The following BAHCC1 variants were observed in gnomAD, a reference collection of about 807,000 sequenced individuals.
BAHCC1 encodes BAH domain and coiled-coil containing 1, also known as BAH and coiled-coil domain-containing protein 1.
A neutral mutation model predicts 88.2 loss-of-function variants in BAHCC1; 43 were observed. The observed-to-expected ratio is 0.49, with a 90% confidence interval of 0.38 to 0.63. The LOEUF (loss-of-function observed/expected upper bound fraction) is 0.63, where lower values mean the gene tolerates loss of function less well. Ranked by LOEUF, BAHCC1 falls within the 20% of genes least tolerant of loss-of-function variation. The pLI, the probability that BAHCC1 is intolerant of heterozygous loss-of-function variation, is 0.00. For missense variants in BAHCC1, 3,023 were observed against 1,654.8 expected (o/e 1.83, Z -14.34); for synonymous variants, 1,510 against 745.5 (o/e 2.03, Z -16.71).
chr17:81,425,124 ATAG>A (rs2064163595), intron 2 of BAHCC1, among the ~76,000 whole-genome samples: 5 of 72,854 alleles, frequency 6.9e-5, no homozygotes, highest in African/African-American at 1.7e-4. Flanking sequence ...GTTGGGGGTG[ATAG>A]TGGTGGGTGA....
chr17:81,458,113 G>A (rs1893018452), intron 17 of BAHCC1, 52 bp from the exon 18 acceptor site: 1 of 711,100 alleles, frequency 1.4e-6, no homozygotes. Flanking sequence ...AGCCCAACCA[G>A]CCGGGTCTCT....
chr17:81,413,429 T>C (rs901804834), intron 2 of BAHCC1, among the ~76,000 whole-genome samples: 1 of 151,424 alleles, frequency 6.6e-6, no homozygotes, highest in African/African-American at 2.4e-5. Context: ...CCCTCACCCC[T>C]CTTCCTCCCC....
At chr17:81,403,782 G>C (rs1254123472) in intron 2 of BAHCC1, among the ~76,000 whole-genome samples, 2 of 152,204 alleles carry the variant, frequency 1.3e-5, no homozygotes, top group African/African-American at 4.8e-5. Context: ...CATCAAAGTT[G>C]CCGCGAGCCC....
rs1555654145 is a variant in BAHCC1 at position 81,445,602 on chromosome 17, T to C, written c.3084T>C (p.Pro1028=). 1 of 728,616 alleles carries C rather than the reference T, an allele frequency of 1.4e-6. No individual in the cohort carries two copies. Among genetic ancestry groups the C allele is most frequent in the East Asian group, 2.6e-5 (1 of 38,082 alleles). The allele number at this position is 728,616 out of a possible 1,614,324, so 45.1% of individuals were successfully genotyped here. ...LNVCPASSPG[P]GSRVRSAEEK... ...TCTGCCCTGCCAGCAGCCCCGGGCC[T>C]GGCTCCCGGGTGCGCAGCGCCGAGG... Residue 1028 remains proline (P), a synonymous_variant, in exon 10 of 28, where the codon CCT becomes CCC. Coordinates refer to ENST00000675386, the MANE Select transcript of BAHCC1 (RefSeq NM_001377448.1).
intron 2 of BAHCC1, chr17:81,400,697 G>C (rs1243335010): frequency 2.0e-5 from 3 of 153,686 alleles, no homozygotes; most frequent in Non-Finnish European, 2.9e-5. Context: ...GGAGAGCGTG[G>C]GGCGCCGTGC....
chr17:81,457,608 G>A lies in BAHCC1; in HGVS notation c.5041+16G>A, dbSNP rs781973060. 8.5e-6 allele frequency: 6 copies of A among 704,748 alleles called. No individual in the cohort carries two copies. Among genetic ancestry groups the A allele is most frequent in the East Asian group, 5.2e-5 (2 of 38,716 alleles). 43.7% of individuals were successfully genotyped at this position (704,748 alleles called of 1,614,324 possible). On this transcript the variant is annotated intron_variant, in intron 17 of 27. Coordinates refer to ENST00000675386, the MANE Select transcript of BAHCC1 (RefSeq NM_001377448.1). Reference sequence around the variant, plus strand: ...GGGTTGCTAGGTAACCAGGAGGGAGGACAGGGGTTGCTAGGTAACCAGGAG... The same window carrying A: ...GGGTTGCTAGGTAACCAGGAGGGAGAACAGGGGTTGCTAGGTAACCAGGAG...
At chr17:81,459,740 A>C in intron 23 of BAHCC1, 136 bp downstream of exon 23, 2 of 373,738 alleles carry the variant, frequency 5.4e-6, no homozygotes, top group East Asian at 7.5e-5. Flanking sequence ...CGACAATAAA[A>C]TGAGCTCCCC....
At chr17:81,455,533 G>A (rs895987486) in intron 15 of BAHCC1, 143 bp downstream of exon 15, 5 of 608,596 alleles carry the variant, frequency 8.2e-6, no homozygotes, top group African/African-American at 5.5e-5. Flanking sequence ...TCCGAGCGCC[G>A]ACAGCAGGAG....
chr17:81,447,252 C>T lies in BAHCC1; in HGVS notation c.3380C>T (p.Thr1127Ile). 1 of 716,950 alleles carries T rather than the reference C, an allele frequency of 1.4e-6. No individual in the cohort carries two copies. 44.4% of individuals were successfully genotyped at this position (716,950 alleles called of 1,614,324 possible). A position where few individuals can be genotyped will look rare whatever the true frequency, so the allele number is the denominator to read the frequency against. The change falls in exon 11 of 28, where the codon ACC (threonine) becomes ATC (isoleucine). Residue 1127 changes from threonine to isoleucine, a missense_variant. Transcript: ENST00000675386. Reference sequence around the variant, plus strand: ...CTGCTCTCAGGGGCCAGGGAGGCCACCCAGGACCTTGCCGCCACCCCCTAC... The same window carrying T: ...CTGCTCTCAGGGGCCAGGGAGGCCATCCAGGACCTTGCCGCCACCCCCTAC... ...PGLLSGAREA[T>I]QDLAATPYPT...
chr17:81,445,732 C>A, intron 10 of BAHCC1, 51 bp downstream of exon 10: 1 of 699,772 alleles, frequency 1.4e-6, no homozygotes, highest in Non-Finnish European at 2.7e-6. Context: ...CAAGCCCTCC[C>A]ACCCCTGCCC....
At chr17:81,453,456 A>T (rs1364006781) in intron 14 of BAHCC1, among the ~76,000 whole-genome samples, 2 of 152,260 alleles carry the variant, frequency 1.3e-5, no homozygotes, top group African/African-American at 4.8e-5. Flanking sequence ...TTAAATCGGC[A>T]CTAAATGGTT....
At position 81,435,520 on chromosome 17, in the gene BAHCC1, G is replaced by A; in HGVS notation, c.359-2850G>A. On this transcript the variant is annotated intron_variant, in intron 3 of 27. Coordinates refer to ENST00000675386, the MANE Select transcript of BAHCC1 (RefSeq NM_001377448.1). This position sits in a 1 kb window ranked among gnomAD's most constrained non-coding sequence, Gnocchi z 4.4. ...CCCAGGGCTTGCCCTTGTCTGTTGG[G>A]GTGATCATAAAAGCTCCCGTCTCAA... 2.1e-6 allele frequency: 1 copy of A among 470,556 alleles called. No individual in the cohort carries two copies. Among genetic ancestry groups the A allele is most frequent in the Non-Finnish European group, 4.4e-6 (1 of 226,738 alleles). The allele number at this position is 470,556 out of a possible 1,614,324, so 29.1% of individuals were successfully genotyped here. A position where few individuals can be genotyped will look rare whatever the true frequency, so the allele number is the denominator to read the frequency against.
At chr17:81,426,539 C>T (rs2064202518) in intron 2 of BAHCC1, among the ~76,000 whole-genome samples, 1 of 151,424 alleles carries the variant, frequency 6.6e-6, no homozygotes, top group Non-Finnish European at 1.5e-5. Flanking sequence ...AGATGTCGTT[C>T]TTGGGTTTGC....
rs782650163 is a variant in BAHCC1 at position 81,447,607 on chromosome 17, C to A, written c.3735C>A (p.Gly1245=). 5.4e-6 allele frequency: 4 copies of A among 747,622 alleles called. No homozygotes were observed. The highest frequency in any genetic ancestry group is 9.9e-6 in the Non-Finnish European group (4 of 402,646). The allele number at this position is 747,622 out of a possible 1,614,324, so 46.3% of individuals were successfully genotyped here. A position where few individuals can be genotyped will look rare whatever the true frequency, so the allele number is the denominator to read the frequency against. ...TGGAGGACTCAGAGGAGGACTGTGGCGGAGCTCCCGACAACAGCCACCCAC... is the reference window on the plus strand; with the variant it reads ...TGGAGGACTCAGAGGAGGACTGTGGAGGAGCTCCCGACAACAGCCACCCAC... ...QSMEDSEEDC[G]GAPDNSHPPR... is the part of the protein sequence containing the mutation. Residue 1245 remains glycine, a synonymous_variant, in exon 11 of 28, where the codon GGC becomes GGA. Transcript: ENST00000675386.
At chr17:81,456,655 G>A (rs1483107159) in intron 16 of BAHCC1, 70 bp downstream of exon 16, 1 of 651,604 alleles carries the variant, frequency 1.5e-6, no homozygotes, top group African/African-American at 1.8e-5. Flanking sequence ...GGAGGAGGGG[G>A]CGGCAGGTTC....
In BAHCC1 at chr17:81,465,647, C is replaced by T. The variant is rs975108159; in HGVS notation, c.*1830C>T. 6.6e-6 allele frequency: 1 copy of T among 152,320 alleles called. No homozygotes were observed. Among genetic ancestry groups the T allele is most frequent in the Admixed American group, 6.5e-5 (1 of 15,294 alleles). The allele number at this position is 152,320 out of a possible 1,614,324, so 9.4% of individuals were successfully genotyped here. A position where few individuals can be genotyped will look rare whatever the true frequency, so the allele number is the denominator to read the frequency against. On this transcript the variant is annotated 3_prime_UTR_variant, in exon 28 of 28. Transcript: ENST00000675386. ...GCAGGGTGCTGGTGGGTGCCCTGTA[C>T]CCCAATCCCAGGTCCCCTTGGCCCC...
intron 2 of BAHCC1, among the ~76,000 whole-genome samples, chr17:81,415,147 C>T (rs1478822028): frequency 1.3e-5 from 2 of 152,192 alleles, no homozygotes; most frequent in African/African-American, 4.8e-5. Context: ...GAGGAGGGCA[C>T]CTGGCCGTGT....
Position 81,464,057 on chromosome 17 carries a change from G to A in BAHCC1, c.*240G>A. 1.7e-6 allele frequency: 1 copy of A among 576,784 alleles called. No homozygotes were observed. Among genetic ancestry groups the A allele is most frequent in the Non-Finnish European group, 3.1e-6 (1 of 321,670 alleles). The allele number at this position is 576,784 out of a possible 1,614,324, so 35.7% of individuals were successfully genotyped here. ...GAGGGTCGGGCTGTGGCCCTCATGG[G>A]TCCCCGGCCCGCCCCACCCACAGCG... On this transcript the variant is annotated 3_prime_UTR_variant, in exon 28 of 28. Coordinates refer to ENST00000675386, the MANE Select transcript of BAHCC1 (RefSeq NM_001377448.1).
Position 81,451,957 on chromosome 17 carries a change from G to GCC in BAHCC1, c.4180-7_4180-6dup, listed in dbSNP as rs34593866. 7.1e-4 allele frequency: 437 copies of GCC among 614,930 alleles called. No homozygotes were observed. The highest frequency in any genetic ancestry group is 3.5e-3 in the East Asian group (125 of 35,246). 38.1% of individuals were successfully genotyped at this position (614,930 alleles called of 1,614,324 possible). ...CCTGGCCCGGCTCACAGGCCCCTGT[G>GCC]CCCCCCCCACCAGGTGTGCCCCCTG... On this transcript the variant is annotated splice_polypyrimidine_tract_variant and intron_variant, in intron 12 of 27. Coordinates refer to ENST00000675386, the MANE Select transcript of BAHCC1 (RefSeq NM_001377448.1).
Sources: allele counts gnomAD v4.1 joint callset (sites outside exome capture counted in the v4.1 genomes callset), GRCh38; gene constraint gnomAD v4.1.1; non-coding constraint Gnocchi (gnomAD v3.1); transcripts MANE v1.5; gene names NCBI Gene and HGNC (gene_info 2026-07-23, HGNC 2026-07-21).